Variants in PHIP observed in about 807,000 individuals in gnomAD.
PHIP encodes the protein PHIP subunit of CUL4-Ring ligase complex.
A neutral mutation model predicts 236.8 loss-of-function variants in PHIP; 54 were observed. The ratio of observed to expected loss-of-function variants is 0.23; its 90% CI spans 0.18 to 0.29. The LOEUF (loss-of-function observed/expected upper bound fraction) is 0.29. PHIP is among the 10% of genes least tolerant of loss of function. The pLI is 1.00. For synonymous variants in PHIP, 756 were observed against 718.9 expected (o/e 1.05, Z -0.83); for missense variants, 1,370 against 2,190.8 (o/e 0.63, Z 7.48).
intron 19 of PHIP, among the ~76,000 whole-genome samples, chr6:78,993,088 T>C (rs1408351114): frequency 2.0e-5 from 3 of 152,218 alleles, no homozygotes; most frequent in Admixed American, 6.5e-5. Context: ...GCGGTCTGGA[T>C]AGAAGATTAA....
rs149531210 is a variant in PHIP at position 78,988,155 on chromosome 6, T to C, written c.2460+54A>G. 940 of 1,306,052 alleles carry C rather than the reference T, an allele frequency of 7.2e-4. 12 individuals carry two copies. The Admixed American group carries it at 7.4e-3, about 10-fold the overall frequency. 80.9% of individuals were successfully genotyped at this position (1,306,052 alleles called of 1,614,324 possible). A position where few individuals can be genotyped will look rare whatever the true frequency, so the allele number is the denominator to read the frequency against. ...ATAAATGCGAAGAATGAAACTCATA[T>C]TTAAAAAAATAAGTAAAAATGACAT... On this transcript the variant is annotated intron_variant, in intron 21 of 39. Transcript: ENST00000275034.
intron 4 of PHIP, among the ~76,000 whole-genome samples, chr6:79,071,901 T>C (rs1031668772): frequency 6.9e-6 from 1 of 145,642 alleles, no homozygotes; most frequent in Non-Finnish European, 1.5e-5. Flanking sequence ...ATTAGACTAT[T>C]ATTATTATTA....
intron 24 of PHIP, among the ~76,000 whole-genome samples, chr6:78,977,015 C>A (rs1286731232): frequency 2.0e-5 from 2 of 99,830 alleles, no homozygotes; most frequent in Non-Finnish European, 4.1e-5. Flanking sequence ...ACCCAGCCAT[C>A]CCATTACTGG....
chr6:78,964,464 T>A (rs1766999020), intron 29 of PHIP, among the ~76,000 whole-genome samples: 1 of 152,176 alleles, frequency 6.6e-6, no homozygotes, highest in Non-Finnish European at 1.5e-5. Flanking sequence ...TTAAAGATCT[T>A]ATTTATTTTT....
Position 78,937,749 on chromosome 6 carries a change from T to C in PHIP, c.*2944A>G, listed in dbSNP as rs570387014. The C allele has an allele frequency of 9.9e-5, 15 of 151,832 alleles. No homozygotes were observed. The highest frequency in any genetic ancestry group is 3.6e-4 in the African/African-American group (15 of 41,526). The allele number at this position is 151,832 out of a possible 1,614,324, so 9.4% of individuals were successfully genotyped here. ...CTATAGCAGGTCACAAAGGATAAAA[T>C]TTTAAAAAGCTATGTATCTATTGCC... On this transcript the variant is annotated 3_prime_UTR_variant, in exon 40 of 40. Coordinates refer to ENST00000275034, the MANE Select transcript of PHIP (RefSeq NM_017934.7).
chr6:79,032,652 T>C (rs1005476565), intron 7 of PHIP, among the ~76,000 whole-genome samples: 5 of 152,118 alleles, frequency 3.3e-5, no homozygotes, highest in African/African-American at 1.2e-4. Context: ...GCAGTTAACT[T>C]CCTCCACTGA....
intron 4 of PHIP, among the ~76,000 whole-genome samples, chr6:79,071,258 C>A (rs1773870470): frequency 6.6e-6 from 1 of 152,166 alleles, no homozygotes; most frequent in Non-Finnish European, 1.5e-5. Flanking sequence ...CATCACTATT[C>A]AATAAGATAA....
At chr6:79,006,358 A>C (rs1224302488) in intron 15 of PHIP, among the ~76,000 whole-genome samples, 1 of 152,032 alleles carries the variant, frequency 6.6e-6, no homozygotes, top group Non-Finnish European at 1.5e-5. Context: ...TACTTTCTCT[A>C]TATTAACTAA....
chr6:78,949,810 T>C (rs1334842912), intron 35 of PHIP, among the ~76,000 whole-genome samples: 4 of 152,116 alleles, frequency 2.6e-5, no homozygotes, highest in Non-Finnish European at 5.9e-5. Flanking sequence ...CACCTCAGCC[T>C]CATTAGTAGC....
Position 78,935,570 on chromosome 6 carries a change from G to A in PHIP, c.*5123C>T. The A allele has an allele frequency of 1.0e-6, 1 of 969,046 alleles. No individual in the cohort carries two copies. The highest frequency in any genetic ancestry group is 4.8e-5 in the South Asian group (1 of 20,924). 60.0% of individuals were successfully genotyped at this position (969,046 alleles called of 1,614,324 possible). On this transcript the variant is annotated 3_prime_UTR_variant, in exon 40 of 40. Coordinates refer to ENST00000275034, the MANE Select transcript of PHIP (RefSeq NM_017934.7). Reference sequence around the variant, plus strand: ...TTATCACTCATCACAGTAACTTACGGTAAGAAATCAATAAAATTGTTTTAT... The same window carrying A: ...TTATCACTCATCACAGTAACTTACGATAAGAAATCAATAAAATTGTTTTAT...
chr6:79,043,025 A>T, intron 6 of PHIP, 22 bp from the exon 7 acceptor site: 1 of 1,582,478 alleles, frequency 6.3e-7, no homozygotes, highest in Non-Finnish European at 8.6e-7. Context: ...AAGAAGGAAA[A>T]TAAATGTAAT....
Position 79,042,986 on chromosome 6 carries a change from T to C in PHIP, c.457A>G (p.Arg153Gly), listed in dbSNP as rs1292180321. The change falls in exon 7 of 40, where the codon AGG becomes GGG. Residue 153 changes from arginine to glycine, a missense_variant. Around this residue, in one of 14 missense-constraint regions of PHIP, gnomAD observed 82 missense variants for 203.2 expected, o/e 0.40. Transcript: ENST00000275034. Reference protein sequence around the residue: ...PPSIADTLFSRKLNGKYRLER... With the variant: ...PPSIADTLFSGKLNGKYRLER... The stretch of plus-strand genomic sequence containing the variant: ...AGTCTGTATTTCCCATTCAGCTTCC[T>C]TGAAAACAGAGTATCCGCTACCAAG... The C allele has an allele frequency of 6.2e-7, 1 of 1,608,700 alleles. No homozygotes were observed. The highest frequency in any genetic ancestry group is 1.1e-5 in the South Asian group (1 of 89,744).
intron 4 of PHIP, among the ~76,000 whole-genome samples, chr6:79,065,778 A>C (rs1773593541): frequency 6.6e-6 from 1 of 151,408 alleles, no homozygotes; most frequent in Non-Finnish European, 1.5e-5. Flanking sequence ...ACACACACAC[A>C]CACACACACA....
intron 4 of PHIP, among the ~76,000 whole-genome samples, chr6:79,062,636 T>A (rs9343867): frequency 6.6e-6 from 1 of 152,024 alleles, no homozygotes; most frequent in African/African-American, 2.4e-5. Context: ...AAATCCTTAC[T>A]GTAATATTCT....
chr6:79,027,465 T>C lies in PHIP; in HGVS notation c.601-1301A>G, dbSNP rs190401371. On this transcript the variant is annotated intron_variant, in intron 7 of 39. Coordinates refer to ENST00000275034, the MANE Select transcript of PHIP (RefSeq NM_017934.7). ...CATCTATAAAATACGGAGGTTAAAA[T>C]GGATGGCCTTTAAAGTTCCCTAAAC... 3.1e-3 allele frequency among the ~76,000 whole-genome samples: 478 copies of C among 152,280 alleles called. 3 individuals carry two copies. Among genetic ancestry groups the C allele is most frequent in the African/African-American group, 0.011 (444 of 41,580 alleles).
chr6:78,985,565 G>T, intron 21 of PHIP, 137 bp from the exon 22 acceptor site: 2 of 677,476 alleles, frequency 3.0e-6, no homozygotes, highest in South Asian at 1.7e-5. Flanking sequence ...GTTGCAAAGG[G>T]TGTTGTGGCT....
intron 14 of PHIP, 53 bp from the exon 15 acceptor site, chr6:79,015,269 A>G: frequency 7.1e-7 from 1 of 1,415,808 alleles, no homozygotes; most frequent in Non-Finnish European, 9.9e-7. Flanking sequence ...AAGAAAGAAA[A>G]ACAAACATAA....
intron 25 of PHIP, 120 bp downstream of exon 25, chr6:78,970,661 T>C: frequency 1.5e-6 from 1 of 657,448 alleles, no homozygotes; most frequent in Non-Finnish European, 2.6e-6. Context: ...ACTGCTTCAA[T>C]TAAACAAGGT....
At chr6:79,025,021 A>C (rs1771326789) in intron 9 of PHIP, among the ~76,000 whole-genome samples, 2 of 152,166 alleles carry the variant, frequency 1.3e-5, no homozygotes, top group African/African-American at 4.8e-5. Context: ...CACAAATGCA[A>C]AATGTTATTA....
Sources: allele counts gnomAD v4.1 joint callset (sites outside exome capture counted in the v4.1 genomes callset), GRCh38; gene constraint gnomAD v4.1.1; regional missense constraint gnomAD v4.1.1; transcripts MANE v1.5; gene names NCBI Gene and HGNC (gene_info 2026-07-23, HGNC 2026-07-21).